Variants in PHF11 observed in about 807,000 individuals in gnomAD.
PHF11 encodes the protein PHD finger protein 11, also known as BRCA1 C-terminus-associated protein.
PHF11 carries 38 observed loss-of-function variants against 40.5 expected under a neutral mutation model. The ratio of observed to expected loss-of-function variants is 0.94; its 90% CI spans 0.72 to 1.23. The LOEUF is 1.23. Among genes scored for constraint, PHF11 ranks in the 50% most tolerant of loss-of-function variants. The pLI is 0.00. For synonymous variants in PHF11, 127 were observed against 138.2 expected, an observed-to-expected ratio of 0.92 and a Z score of 0.57; for missense variants, 369 against 392.4, an observed-to-expected ratio of 0.94 and a Z score of 0.50.
chr13:49,504,953 C>A (rs896666373), intron 1 of PHF11, among the ~76,000 whole-genome samples: 1 of 150,004 alleles, frequency 6.7e-6, no homozygotes, highest in African/African-American at 2.4e-5. Flanking sequence ...GCTGTGTCCA[C>A]TCAGGGTTAA....
intron 9 of PHF11, chr13:49,527,232 C>T (rs1200894850): frequency 6.6e-6 from 1 of 152,156 alleles, no homozygotes; most frequent in Non-Finnish European, 1.5e-5. Context: ...AGACAGGCTA[C>T]ACCTCCACTT....
chr13:49,508,338 A>T (rs990165998), intron 2 of PHF11, among the ~76,000 whole-genome samples: 1 of 146,654 alleles, frequency 6.8e-6, no homozygotes, highest in Admixed American at 6.9e-5. Context: ...CTATATTCAT[A>T]TATTACTATA....
rs752928377 is a variant in PHF11, at chr13:49,506,696, C to T, written c.156C>T (p.Val52=). The part of the protein sequence containing the change: ...KRTCALCPKD[V]EYNVLYFAQS... ...CATGTGCACTCTGCCCCAAAGATGT[C>T]GAATATAATGTCCTATACTTTGCAC... is the stretch of plus-strand genomic sequence containing the variant. The change falls in exon 2 of 10, where the codon GTC becomes GTT. Residue 52 remains valine (V), a synonymous_variant. Transcript: ENST00000378319. 15 of 1,607,378 alleles carry T rather than the reference C, an allele frequency of 9.3e-6. No individual in the cohort carries two copies. Among genetic ancestry groups the T allele is most frequent in the African/African-American group, 1.3e-5 (1 of 74,764 alleles).
At chr13:49,511,006 A>G (rs1951491203) in intron 2 of PHF11, among the ~76,000 whole-genome samples, 1 of 152,162 alleles carries the variant, frequency 6.6e-6, no homozygotes, top group South Asian at 2.1e-4. Context: ...TCCTACCCCA[A>G]GTCCCTGTAG....
At chr13:49,504,537 A>C (rs1958953780) in intron 1 of PHF11, among the ~76,000 whole-genome samples, 1 of 56,182 alleles carries the variant, frequency 1.8e-5, no homozygotes, top group Non-Finnish European at 5.2e-5. Context: ...GGCCGCCCCT[A>C]CTGGGAAGTG....
At chr13:49,500,905 A>G (rs1023113533) in intron 1 of PHF11, among the ~76,000 whole-genome samples, 7 of 151,824 alleles carry the variant, frequency 4.6e-5, no homozygotes, top group African/African-American at 1.7e-4. Context: ...AGAAACAAGC[A>G]ATGTTGTACA....
intron 9 of PHF11, chr13:49,527,440 G>T (rs1027939471): frequency 6.6e-6 from 1 of 152,176 alleles, no homozygotes; most frequent in Non-Finnish European, 1.5e-5. Context: ...TCCCTGTGAA[G>T]AAATCATTAG....
In PHF11 at chr13:49,526,385, A is replaced by G; in HGVS notation, c.770-2A>G. 2 of 1,597,948 alleles carry G rather than the reference A, an allele frequency of 1.3e-6. No individual in the cohort carries two copies. The highest frequency in any genetic ancestry group is 8.6e-7 in the Non-Finnish European group (1 of 1,165,396). On this transcript the variant is annotated splice_acceptor_variant, in intron 8 of 9. Coordinates refer to ENST00000378319, the MANE Select transcript of PHF11 (RefSeq NM_001040443.3). LOFTEE classifies it high-confidence loss of function. ...ATATTGAAAATGTTTCTCTCCCTCC[A>G]GACTATGAAGAAATCGGGAGTGCAC...
intron 1 of PHF11, among the ~76,000 whole-genome samples, chr13:49,503,896 C>T (rs527418124): frequency 6.6e-6 from 1 of 152,194 alleles, no homozygotes; most frequent in South Asian, 2.1e-4. Context: ...CCATACTGGG[C>T]TAATTTTTTT....
chr13:49,509,921 A>G (rs939128688), intron 2 of PHF11, among the ~76,000 whole-genome samples: 1 of 152,246 alleles, frequency 6.6e-6, no homozygotes, highest in South Asian at 2.1e-4. Flanking sequence ...CTCTCACACT[A>G]TAACAATATA....
chr13:49,523,839 C>A, intron 7 of PHF11: 1 of 278,962 alleles, frequency 3.6e-6, no homozygotes, highest in Non-Finnish European at 6.6e-6. Flanking sequence ...CCTCTTAATT[C>A]ATATAGTTAT....
rs777226173 is a variant in PHF11, at chr13:49,518,121, C to T, written c.428C>T (p.Pro143Leu). Residue 143 changes from proline (P) to leucine (L), a missense_variant, in exon 4 of 10, where the codon CCA (proline) becomes CTA (leucine). By Grantham distance (98) the Pro-to-Leu change is moderately conservative. Coordinates refer to ENST00000378319, the MANE Select transcript of PHF11 (RefSeq NM_001040443.3). ...TGTGCCAAGAAGGACGACGCAGTTC[C>T]ACAGTCTGATGGAGTTCGAGGAATT... The part of the protein sequence containing the change: ...FFCAKKDDAV[P>L]QSDGVRGIYK... The T allele has an allele frequency of 4.4e-6, 7 of 1,607,900 alleles. No individual in the cohort carries two copies. Among genetic ancestry groups the T allele is most frequent in the Non-Finnish European group, 6.0e-6 (7 of 1,175,854 alleles).
chr13:49,526,431 G>A lies in PHF11; in HGVS notation c.814G>A (p.Glu272Lys), dbSNP rs773147931. 47 of 1,607,768 alleles carry A rather than the reference G, an allele frequency of 2.9e-5. No individual in the cohort carries two copies. Among genetic ancestry groups the A allele is most frequent in the East Asian group, 2.0e-4 (9 of 44,846 alleles). The change falls in exon 9 of 10, where the codon GAA becomes AAA. Residue 272 changes from glutamate (E) to lysine (K), a missense_variant. Coordinates refer to ENST00000378319, the MANE Select transcript of PHF11 (RefSeq NM_001040443.3). ...GSALFDCRLF[E>K]DTFVNFQAAI... is the part of the protein sequence containing the mutation. ...TGCACTTTTTGACTGTAGATTGTTC[G>A]AAGACACATTTGTAAATTTTCAAGC...
In PHF11 at chr13:49,522,096, A is replaced by G; in HGVS notation, c.559A>G (p.Asn187Asp). 1 of 1,540,766 alleles carries G rather than the reference A, an allele frequency of 6.5e-7. No homozygotes were observed. The highest frequency in any genetic ancestry group is 9.0e-7 in the Non-Finnish European group (1 of 1,115,516). ...KRGRKKPLSG[N>D]HVQPPETMKC... ...AGGAAGGAAGAAACCCCTCTCAGGCAATCATGTACAGGTAATTTGACTTAG... is the reference window on the plus strand; with the variant it reads ...AGGAAGGAAGAAACCCCTCTCAGGCGATCATGTACAGGTAATTTGACTTAG... The change falls in exon 6 of 10, where the codon AAT (asparagine) becomes GAT (aspartate). Residue 187 changes from asparagine to aspartate, a missense_variant. Transcript: ENST00000378319.
At chr13:49,497,204 A>G in intron 1 of PHF11, 1 of 1,289,148 alleles carries the variant, frequency 7.8e-7, no homozygotes, top group Non-Finnish European at 1.0e-6. Flanking sequence ...ATTGGTATAC[A>G]TATGGACTGT....
intron 2 of PHF11, among the ~76,000 whole-genome samples, chr13:49,509,741 T>C (rs1959058553): frequency 6.6e-6 from 1 of 152,206 alleles, no homozygotes; most frequent in Non-Finnish European, 1.5e-5. Context: ...TCTTGCCTGC[T>C]GCCATGTAAA....
At chr13:49,496,222 A>G in intron 1 of PHF11, 127 bp downstream of exon 1, 4 of 666,198 alleles carry the variant, frequency 6.0e-6, no homozygotes, top group South Asian at 1.3e-4. Context: ...CCGGGGCCCT[A>G]GACGCCGGGG....
At chr13:49,502,038 G>A (rs1442024228) in intron 1 of PHF11, among the ~76,000 whole-genome samples, 2 of 152,056 alleles carry the variant, frequency 1.3e-5, no homozygotes, top group Admixed American at 6.5e-5. Flanking sequence ...GGTGCCTCAT[G>A]CCTGTAATCC....
chr13:49,496,093 C>A lies in PHF11; in HGVS notation c.92C>A (p.Thr31Asn). The A allele has an allele frequency of 7.6e-7, 1 of 1,321,202 alleles. No homozygotes were observed. The highest frequency in any genetic ancestry group is 9.6e-7 in the Non-Finnish European group (1 of 1,037,512). 81.8% of individuals were successfully genotyped at this position (1,321,202 alleles called of 1,614,324 possible). A position where few individuals can be genotyped will look rare whatever the true frequency, so the allele number is the denominator to read the frequency against. Residue 31 changes from threonine to asparagine, a missense_variant and splice_region_variant, in exon 1 of 10, where the codon ACC becomes AAC. Physicochemically the swap from Thr to Asn is moderately conservative, Grantham distance 65 (BLOSUM62 0). Transcript: ENST00000378319. Reference sequence around the variant, plus strand: ...GCGCAGGAGGCGCTCCTCCTTCCCACCGGTGTGTACCGCGGGGGCGGGCGG... The same window carrying A: ...GCGCAGGAGGCGCTCCTCCTTCCCAACGGTGTGTACCGCGGGGGCGGGCGG... ...RPAQEALLLP[T>N]GVFQVAEKME...
Sources: allele counts gnomAD v4.1 joint callset (sites outside exome capture counted in the v4.1 genomes callset), GRCh38; gene constraint gnomAD v4.1.1; transcripts MANE v1.5; gene names NCBI Gene and HGNC (gene_info 2026-07-23, HGNC 2026-07-21).